The following EMCN variants were observed in gnomAD, a reference collection of about 807,000 sequenced individuals.
The protein encoded by EMCN is endomucin.
In EMCN, 37 loss-of-function variants were observed where a neutral mutation model predicts 38.4. The observed-to-expected ratio is 0.96, with a 90% CI of 0.74 to 1.27. The LOEUF is 1.27. EMCN is among the 50% of genes most tolerant of loss of function. The pLI, the probability that EMCN is intolerant of heterozygous loss-of-function variation, is 0.00. For synonymous variants in EMCN, 95 were observed against 100.8 expected, an observed-to-expected ratio of 0.94 and a Z score of 0.35; for missense variants, 318 against 302.8, an observed-to-expected ratio of 1.05 and a Z score of -0.37.
chr4:100,493,005 A>G (rs1182666654), intron 1 of EMCN, among the ~76,000 whole-genome samples: 1 of 152,196 alleles, frequency 6.6e-6, no homozygotes, highest in Non-Finnish European at 1.5e-5. Context: ...AACATATAAA[A>G]AGTTAAGAAG....
Position 100,480,037 on chromosome 4 carries a change from C to T in EMCN, c.67G>A (p.Val23Ile), listed in dbSNP as rs928462799. The T allele has an allele frequency of 6.2e-7, 1 of 1,603,322 alleles. No individual in the cohort carries two copies. Among genetic ancestry groups the T allele is most frequent in the East Asian group, 2.3e-5 (1 of 44,426 alleles). The stretch of plus-strand genomic sequence containing the variant: ...AGTGAATTATTAGCTGCCTCTAAAA[C>T]ACCTGAAAAAAGTAAAGTAGTTGCA... The part of the protein sequence containing the change: ...PSICSSNSTG[V>I]LEAANNSLVV... The change falls in exon 2 of 12, where the codon GTT becomes ATT. Residue 23 changes from valine (V) to isoleucine (I), a missense_variant and splice_region_variant. Val to Ile is a conservative substitution (Grantham distance 29, BLOSUM62 3). Transcript: ENST00000296420.
chr4:100,420,557 G>T (rs1350001406), intron 8 of EMCN, among the ~76,000 whole-genome samples: 1 of 151,964 alleles, frequency 6.6e-6, no homozygotes, highest in African/African-American at 2.4e-5. Context: ...AGTTGAAGGG[G>T]TATTTAGGTG....
intron 1 of EMCN, among the ~76,000 whole-genome samples, chr4:100,498,183 G>A (rs1729258726): frequency 6.6e-6 from 1 of 152,020 alleles, no homozygotes; most frequent in South Asian, 2.1e-4. Flanking sequence ...TTAGTCTGAA[G>A]AAACAATGTC....
At chr4:100,403,802 A>C (rs553255302) in intron 11 of EMCN, among the ~76,000 whole-genome samples, 1 of 152,046 alleles carries the variant, frequency 6.6e-6, no homozygotes, top group South Asian at 2.1e-4. Flanking sequence ...TATGGTTTTG[A>C]TTTGCATTTC....
intron 4 of EMCN, among the ~76,000 whole-genome samples, chr4:100,449,778 A>T (rs1472099742): frequency 2.0e-5 from 3 of 152,056 alleles, no homozygotes; most frequent in Non-Finnish European, 4.4e-5. Flanking sequence ...TTCATAAAAC[A>T]CATCACTTCA....
chr4:100,435,479 C>A (rs1334599879), intron 5 of EMCN, among the ~76,000 whole-genome samples: 1 of 152,060 alleles, frequency 6.6e-6, no homozygotes, highest in African/African-American at 2.4e-5. Flanking sequence ...CAGTGCTATT[C>A]CCATTAAACT....
At chr4:100,443,204 C>A (rs535115296) in intron 5 of EMCN, among the ~76,000 whole-genome samples, 3 of 152,188 alleles carry the variant, frequency 2.0e-5, no homozygotes, top group Admixed American at 1.3e-4. Flanking sequence ...GCTTCTTTGT[C>A]GCTAGTTATT....
At chr4:100,465,567 A>G in intron 3 of EMCN, 28 bp from the exon 4 acceptor site, 1 of 1,237,686 alleles carries the variant, frequency 8.1e-7, no homozygotes, top group Middle Eastern at 2.1e-4. Context: ...AGTCATCAGG[A>G]GTATAACAAA....
intron 1 of EMCN, among the ~76,000 whole-genome samples, chr4:100,500,795 T>A (rs1729330990): frequency 1.3e-5 from 2 of 152,110 alleles, no homozygotes; most frequent in South Asian, 4.1e-4. Context: ...TTGATAGACA[T>A]TTGAGCTGTC....
chr4:100,481,983 T>A (rs986539008), intron 1 of EMCN, among the ~76,000 whole-genome samples: 2 of 151,916 alleles, frequency 1.3e-5, no homozygotes, highest in African/African-American at 4.8e-5. Context: ...TCAATATTTA[T>A]TGAGCAACTA....
chr4:100,510,107 T>G (rs1400967535), intron 1 of EMCN, among the ~76,000 whole-genome samples: 2 of 152,176 alleles, frequency 1.3e-5, no homozygotes, highest in Admixed American at 1.3e-4. Context: ...ATTAATACCG[T>G]GTTTCCTTCC....
intron 11 of EMCN, among the ~76,000 whole-genome samples, chr4:100,401,903 G>C (rs1378691507): frequency 6.6e-6 from 1 of 152,096 alleles, no homozygotes; most frequent in Non-Finnish European, 1.5e-5. Context: ...ATTCCCCCTT[G>C]ACAACAGTGC....
intron 4 of EMCN, among the ~76,000 whole-genome samples, chr4:100,453,462 C>G (rs1727908455): frequency 6.6e-6 from 1 of 152,136 alleles, no homozygotes; most frequent in Admixed American, 6.6e-5. Context: ...CAAATGAAAA[C>G]CACAATGAGA....
At chr4:100,489,231 C>T (rs972616844) in intron 1 of EMCN, among the ~76,000 whole-genome samples, 3 of 152,176 alleles carry the variant, frequency 2.0e-5, no homozygotes, top group Middle Eastern at 3.2e-3. Context: ...TTTGTGGTTG[C>T]AGTATTCCCA....
At chr4:100,501,652 T>G (rs1729353014) in intron 1 of EMCN, among the ~76,000 whole-genome samples, 3 of 152,160 alleles carry the variant, frequency 2.0e-5, no homozygotes, top group Admixed American at 2.0e-4. Context: ...AAGTTTTCTT[T>G]AACTTTTCAA....
chr4:100,422,773 A>C (rs1253639822), intron 7 of EMCN, among the ~76,000 whole-genome samples: 1 of 149,828 alleles, frequency 6.7e-6, no homozygotes, highest in African/African-American at 2.4e-5. Context: ...AAAATTGCCA[A>C]ACTGTGCTTT....
chr4:100,479,074 C>T (rs900231143), intron 2 of EMCN, among the ~76,000 whole-genome samples: 13 of 152,104 alleles, frequency 8.5e-5, no homozygotes, highest in Non-Finnish European at 1.2e-4. Context: ...TCAAGCCCAG[C>T]GAACTAGCTT....
chr4:100,423,158 G>A, intron 6 of EMCN, 78 bp from the exon 7 acceptor site: 9 of 1,446,282 alleles, frequency 6.2e-6, no homozygotes, highest in Non-Finnish European at 8.8e-6. Flanking sequence ...CCTCATTTAA[G>A]GAAACAGCCA....
chr4:100,461,181 T>A (rs1042705242), intron 4 of EMCN, among the ~76,000 whole-genome samples: 2 of 152,156 alleles, frequency 1.3e-5, no homozygotes, highest in Non-Finnish European at 2.9e-5. Flanking sequence ...CACTTTGTAT[T>A]TCCTCTTTGA....
Sources: allele counts gnomAD v4.1 joint callset (sites outside exome capture counted in the v4.1 genomes callset), GRCh38; gene constraint gnomAD v4.1.1; transcripts MANE v1.5; gene names NCBI Gene and HGNC (gene_info 2026-07-23, HGNC 2026-07-21).